Variants in MYRIP observed in about 807,000 individuals in gnomAD.
MYRIP encodes the protein myosin VIIA and Rab interacting protein, also known as rab effector MyRIP.
A neutral mutation model predicts 98.0 loss-of-function variants in MYRIP; 49 were observed. The ratio of observed to expected loss-of-function variants is 0.50; its 90% CI spans 0.40 to 0.63. The LOEUF (loss-of-function observed/expected upper bound fraction) is 0.63. Among genes scored for constraint, MYRIP ranks in the 30% least tolerant of loss-of-function variants. MYRIP has a pLI of 0.00. For synonymous variants in MYRIP, 404 were observed against 409.5 expected (o/e 0.99, Z 0.16); for missense variants, 1,004 against 1,058.2 (o/e 0.95, Z 0.71).
intron 2 of MYRIP, among the ~76,000 whole-genome samples, chr3:39,913,413 G>T (rs1218574612): frequency 3.9e-5 from 6 of 152,080 alleles, no homozygotes; most frequent in Non-Finnish European, 8.8e-5. Flanking sequence ...TCAAAGGAAG[G>T]TCTTTTCATC....
At chr3:40,038,500 C>T (rs916801532) in intron 2 of MYRIP, among the ~76,000 whole-genome samples, 2 of 151,898 alleles carry the variant, frequency 1.3e-5, no homozygotes, top group Non-Finnish European at 2.9e-5. Flanking sequence ...AATAAGTAAA[C>T]CTCTGAACTT....
At chr3:39,972,069 G>A (rs766148755) in intron 2 of MYRIP, among the ~76,000 whole-genome samples, 24 of 152,000 alleles carry the variant, frequency 1.6e-4, no homozygotes, top group South Asian at 2.1e-4. Context: ...ACAGTATGTG[G>A]TATCTGTATT....
At chr3:40,038,698 T>C (rs183325810) in intron 2 of MYRIP, among the ~76,000 whole-genome samples, 437 of 152,204 alleles carry the variant, frequency 2.9e-3, no homozygotes, top group Admixed American at 4.4e-3. Context: ...ACTATCCTTT[T>C]AATTTAAAAA....
intron 3 of MYRIP, among the ~76,000 whole-genome samples, chr3:40,112,633 A>G (rs1949182791): frequency 6.6e-6 from 1 of 152,208 alleles, no homozygotes; most frequent in Non-Finnish European, 1.5e-5. Context: ...AAACTCAAAG[A>G]AGTCATAGAT....
intron 3 of MYRIP, among the ~76,000 whole-genome samples, chr3:40,077,811 C>T (rs890132318): frequency 1.3e-5 from 2 of 152,270 alleles, no homozygotes; most frequent in African/African-American, 2.4e-5. Flanking sequence ...AGGTTCTCCA[C>T]GTCTCCACCA....
chr3:39,816,970 C>T (rs556818867), intron 1 of MYRIP, among the ~76,000 whole-genome samples: 14 of 152,116 alleles, frequency 9.2e-5, no homozygotes, highest in Admixed American at 2.0e-4. Context: ...ATGAATTGCC[C>T]ACTTATATGT....
intron 2 of MYRIP, among the ~76,000 whole-genome samples, chr3:39,958,917 C>T (rs1302058605): frequency 6.6e-6 from 1 of 152,094 alleles, no homozygotes; most frequent in Non-Finnish European, 1.5e-5. Flanking sequence ...CCAACAGACA[C>T]ATGAAAAAAT....
Position 39,830,657 on chromosome 3 carries a change from A to C in MYRIP, c.-31+20741A>C, listed in dbSNP as rs767942219. ...TGGAGCCCACCTTCTTCAAATATTC[A>C]AGCATATCACCCTAGTAATTTTCTT... On this transcript the variant is annotated intron_variant, in intron 1 of 16. Transcript: ENST00000302541. 9.2e-5 allele frequency among the ~76,000 whole-genome samples: 14 copies of C among 152,160 alleles called. 1 individual carries two copies. Among genetic ancestry groups the C allele is most frequent in the Non-Finnish European group, 1.8e-4 (12 of 68,024 alleles).
In MYRIP at chr3:39,927,012, G is replaced by T. The variant is rs541432289; in HGVS notation, c.110+26086G>T. On this transcript the variant is annotated intron_variant, in intron 2 of 16. Coordinates refer to ENST00000302541, the MANE Select transcript of MYRIP (RefSeq NM_015460.4). ...GTCATCTGTAAATTCTTTCAGCAGG[G>T]TTGTGTAGTTCTCCTTGAGAGATCT... 1.2e-4 allele frequency among the ~76,000 whole-genome samples: 19 copies of T among 152,108 alleles called. 1 individual carries two copies. In the Middle Eastern group the frequency reaches 0.017, roughly 137 times the overall value.
intron 1 of MYRIP, among the ~76,000 whole-genome samples, chr3:39,878,958 T>G (rs1943090968): frequency 1.3e-5 from 2 of 151,328 alleles, no homozygotes; most frequent in Non-Finnish European, 1.5e-5. Context: ...CCCAGCTACT[T>G]GGGAGGCTGA....
chr3:39,866,685 C>A (rs1184995114), intron 1 of MYRIP, among the ~76,000 whole-genome samples: 1 of 152,046 alleles, frequency 6.6e-6, no homozygotes, highest in Non-Finnish European at 1.5e-5. Flanking sequence ...AAACTGAAAA[C>A]AAACACATAG....
At chr3:40,032,973 G>T (rs1420834066) in intron 2 of MYRIP, among the ~76,000 whole-genome samples, 3 of 151,796 alleles carry the variant, frequency 2.0e-5, no homozygotes, top group South Asian at 2.1e-4. Flanking sequence ...AAAAACCACA[G>T]GATTATCTCA....
At chr3:40,129,433 T>G (rs929490659) in intron 3 of MYRIP, among the ~76,000 whole-genome samples, 4 of 68,988 alleles carry the variant, frequency 5.8e-5, no homozygotes, top group Non-Finnish European at 1.1e-4. Flanking sequence ...AGAGTGAGAC[T>G]CTGTCTCAAA....
intron 1 of MYRIP, among the ~76,000 whole-genome samples, chr3:39,850,585 A>G (rs1184216415): frequency 3.3e-5 from 5 of 152,236 alleles, no homozygotes. Context: ...ATCTACTATT[A>G]GTTGTCTTAA....
At chr3:40,182,850 A>T (rs1950921123) in intron 9 of MYRIP, among the ~76,000 whole-genome samples, 1 of 152,204 alleles carries the variant, frequency 6.6e-6, no homozygotes, top group African/African-American at 2.4e-5. Context: ...GTCCTTTCTG[A>T]AACTGGATAA....
At chr3:39,864,445 A>C (rs887859181) in intron 1 of MYRIP, among the ~76,000 whole-genome samples, 4 of 152,118 alleles carry the variant, frequency 2.6e-5, no homozygotes, top group African/African-American at 9.7e-5. Flanking sequence ...TAACTTTACA[A>C]TAAAGTTTCA....
chr3:40,258,128 C>T lies in MYRIP; in HGVS notation c.2548-6C>T, dbSNP rs751375439. On this transcript the variant is annotated splice_polypyrimidine_tract_variant and splice_region_variant and intron_variant, in intron 16 of 16. Coordinates refer to ENST00000302541, the MANE Select transcript of MYRIP (RefSeq NM_015460.4). ...TGATGGGAGTGTGTTCAATGTCTCA[C>T]CTCAGGAGCCTGCTCTGGAGTCAGC... 3 of 1,614,084 alleles carry T rather than the reference C, an allele frequency of 1.9e-6. No individual in the cohort carries two copies. Among genetic ancestry groups the T allele is most frequent in the African/African-American group, 1.3e-5 (1 of 74,936 alleles).
chr3:40,214,224 T>C (rs1952048005), intron 11 of MYRIP, among the ~76,000 whole-genome samples: 1 of 152,242 alleles, frequency 6.6e-6, no homozygotes, highest in East Asian at 1.9e-4. Flanking sequence ...AACCACCAAA[T>C]TGGCTACTGA....
At chr3:39,874,655 A>G (rs1002213707) in intron 1 of MYRIP, among the ~76,000 whole-genome samples, 31 of 152,036 alleles carry the variant, frequency 2.0e-4, no homozygotes, top group Non-Finnish European at 1.3e-4. Flanking sequence ...ATTGATTTGC[A>G]TATATTGAAC....
Sources: allele counts gnomAD v4.1 joint callset (sites outside exome capture counted in the v4.1 genomes callset), GRCh38; gene constraint gnomAD v4.1.1; transcripts MANE v1.5; gene names NCBI Gene and HGNC (gene_info 2026-07-23, HGNC 2026-07-21).